The following PXDNL variants were observed in gnomAD, a reference collection of about 807,000 sequenced individuals.
PXDNL encodes the protein peroxidasin like, also known as probable oxidoreductase PXDNL.
In PXDNL, 145 loss-of-function variants were observed where a neutral mutation model predicts 150.8. The observed-to-expected ratio is 0.96, with a 90% CI of 0.84 to 1.10. PXDNL has a LOEUF of 1.10. Ranked by LOEUF, PXDNL falls within the 50% of genes least tolerant of loss-of-function variation. The probability of loss-of-function intolerance (pLI) is 0.00; values close to 1 mark genes in which losing one functional copy is unlikely to be tolerated. For missense variants in PXDNL, 2,087 were observed against 1,873.9 expected, an observed-to-expected ratio of 1.11 and a Z score of -2.10; for synonymous variants, 757 against 725.7, an observed-to-expected ratio of 1.04 and a Z score of -0.69.
intron 7 of PXDNL, among the ~76,000 whole-genome samples, chr8:51,474,162 G>A (rs115717895): frequency 0.011 from 1,702 of 152,218 alleles, 35 homozygotes; most frequent in African/African-American, 0.039. Context: ...GCTTGCCAGC[G>A]AGGGAGTGGA....
intron 1 of PXDNL, among the ~76,000 whole-genome samples, chr8:51,780,676 T>TTTTTTTTGTTTTTTTTTTTTTTTTG (rs2037406063): frequency 1.0e-5 from 1 of 95,954 alleles, no homozygotes. Flanking sequence ...TTTTTTTTTT[T>TTTTTTTTGTTTTTTTTTTTTTTTTG]GAGATGGAGT....
intron 19 of PXDNL, among the ~76,000 whole-genome samples, chr8:51,347,236 A>G (rs1806187926): frequency 1.3e-5 from 2 of 152,160 alleles, no homozygotes; most frequent in Admixed American, 6.5e-5. Context: ...GAAAGTGAAA[A>G]CCACTTACAT....
At chr8:51,566,285 G>A (rs1812828043) in intron 3 of PXDNL, among the ~76,000 whole-genome samples, 1 of 151,668 alleles carries the variant, frequency 6.6e-6, no homozygotes, top group Non-Finnish European at 1.5e-5. Context: ...TGGTATTAGG[G>A]TAATGTTGGC....
At chr8:51,409,612 G>C (rs1442453085) in intron 16 of PXDNL, 51 bp from the exon 17 acceptor site, 2 of 1,462,344 alleles carry the variant, frequency 1.4e-6, no homozygotes, top group African/African-American at 1.4e-5. Flanking sequence ...GGGAGGGCGC[G>C]GGCAACTTGG....
At chr8:51,638,021 G>A (rs117942686) in intron 2 of PXDNL, among the ~76,000 whole-genome samples, 3,448 of 152,294 alleles carry the variant, frequency 0.023, 54 homozygotes, top group Non-Finnish European at 0.032. Flanking sequence ...AACTCTACAA[G>A]CCAGAAGAGA....
chr8:51,719,827 T>C (rs28495050), intron 1 of PXDNL, among the ~76,000 whole-genome samples: 19,777 of 151,944 alleles, frequency 0.13, 2,512 homozygotes, highest in African/African-American at 0.33. Flanking sequence ...ATGTTTCAGA[T>C]GGATTCAAGC....
At chr8:51,761,246 G>T (rs892039089) in intron 1 of PXDNL, among the ~76,000 whole-genome samples, 1 of 151,902 alleles carries the variant, frequency 6.6e-6, no homozygotes, top group Non-Finnish European at 1.5e-5. Flanking sequence ...AAACAGCAGG[G>T]TTCTCCAAAA....
At chr8:51,634,023 C>T (rs1277327657) in intron 2 of PXDNL, among the ~76,000 whole-genome samples, 3 of 151,970 alleles carry the variant, frequency 2.0e-5, no homozygotes, top group East Asian at 1.9e-4. Flanking sequence ...GTTGCAATTG[C>T]TTTTGAGGAC....
intron 1 of PXDNL, among the ~76,000 whole-genome samples, chr8:51,712,636 T>G (rs1425703632): frequency 6.6e-6 from 1 of 152,200 alleles, no homozygotes; most frequent in African/African-American, 2.4e-5. Context: ...ACAACCTTAG[T>G]TATTACAGTA....
chr8:51,660,875 G>A (rs1815256565), intron 1 of PXDNL, among the ~76,000 whole-genome samples: 1 of 152,126 alleles, frequency 6.6e-6, no homozygotes, highest in Non-Finnish European at 1.5e-5. Flanking sequence ...CCTGTAGCCA[G>A]GCCGTCAGTC....
rs181508385 is a variant in PXDNL, at chr8:51,347,357, C to G, written c.3902-1410G>C. 3.1e-3 allele frequency among the ~76,000 whole-genome samples: 477 copies of G among 152,228 alleles called. 6 individuals carry two copies. Among genetic ancestry groups the G allele is most frequent in the Non-Finnish European group, 2.7e-3 (181 of 68,026 alleles). On this transcript the variant is annotated intron_variant, in intron 19 of 22. Transcript: ENST00000356297. ...ATTTTTAAAATAACACAACAAACTG[C>G]AAATGCTATAATGCTAGACAAAATA...
chr8:51,398,639 G>A (rs939022016), intron 17 of PXDNL, among the ~76,000 whole-genome samples: 14 of 152,202 alleles, frequency 9.2e-5, no homozygotes, highest in Non-Finnish European at 1.8e-4. Flanking sequence ...CCACATCAGC[G>A]GAGCTTAGGC....
intron 2 of PXDNL, among the ~76,000 whole-genome samples, chr8:51,641,246 A>C (rs1420893920): frequency 6.6e-6 from 1 of 151,242 alleles, no homozygotes; most frequent in Non-Finnish European, 1.5e-5. Flanking sequence ...TAAACCATAA[A>C]AACCCTAGAA....
chr8:51,421,621 C>T (rs1808955814), intron 14 of PXDNL, among the ~76,000 whole-genome samples: 1 of 152,166 alleles, frequency 6.6e-6, no homozygotes, highest in South Asian at 2.1e-4. Flanking sequence ...ATTGCTTGAA[C>T]CCGAGAGTCG....
intron 1 of PXDNL, among the ~76,000 whole-genome samples, chr8:51,768,226 T>A (rs1027775231): frequency 1.3e-5 from 2 of 152,192 alleles, no homozygotes; most frequent in Admixed American, 6.5e-5. Context: ...GACTTATGAT[T>A]ATTTTTAATT....
chr8:51,553,747 T>G, intron 4 of PXDNL, among the ~76,000 whole-genome samples: 1 of 100,900 alleles, frequency 9.9e-6, no homozygotes, highest in Non-Finnish European at 1.7e-5. Context: ...ATTTTATATA[T>G]ATATATATAT....
intron 7 of PXDNL, among the ~76,000 whole-genome samples, chr8:51,474,722 T>C (rs2130115228): frequency 6.6e-6 from 1 of 152,330 alleles, no homozygotes; most frequent in African/African-American, 2.4e-5. Context: ...ATATTTCTCC[T>C]CTGAAATTAC....
intron 4 of PXDNL, among the ~76,000 whole-genome samples, chr8:51,520,103 G>A (rs1811629239): frequency 6.6e-6 from 1 of 152,170 alleles, no homozygotes; most frequent in South Asian, 2.1e-4. Context: ...CCCACAGAAA[G>A]AATGCCGGGG....
intron 12 of PXDNL, 23 bp from the exon 13 acceptor site, chr8:51,426,781 C>T (rs76685226): frequency 1.5e-6 from 2 of 1,319,850 alleles, no homozygotes; most frequent in African/African-American, 1.5e-5. Context: ...ACCAAAATAA[C>T]ATCATGTCAA....
Sources: allele counts gnomAD v4.1 joint callset (sites outside exome capture counted in the v4.1 genomes callset), GRCh38; gene constraint gnomAD v4.1.1; transcripts MANE v1.5; gene names NCBI Gene and HGNC (gene_info 2026-07-23, HGNC 2026-07-21).